The following THEMIS variants were observed in gnomAD, a reference collection of about 807,000 sequenced individuals.
THEMIS encodes the protein thymocyte selection associated.
In THEMIS, 37 loss-of-function variants were observed where a neutral mutation model predicts 52.6. That is an observed-to-expected ratio of 0.70 (90% confidence interval 0.54 to 0.93). The LOEUF is 0.93. Ranked by LOEUF, THEMIS falls within the 40% of genes least tolerant of loss-of-function variation. The pLI, the probability that THEMIS is intolerant of heterozygous loss-of-function variation, is 0.00. For synonymous variants in THEMIS, 292 were observed against 272.7 expected, an observed-to-expected ratio of 1.07 and a Z score of -0.70; for missense variants, 808 against 763.1, an observed-to-expected ratio of 1.06 and a Z score of -0.69.
chr6:127,841,749 T>C (rs1779055260), intron 2 of THEMIS, among the ~76,000 whole-genome samples: 1 of 152,014 alleles, frequency 6.6e-6, no homozygotes, highest in South Asian at 2.1e-4. Context: ...AAATAGATCT[T>C]AAAATTATTT....
intron 4 of THEMIS, among the ~76,000 whole-genome samples, chr6:127,751,512 A>G (rs1419481520): frequency 1.3e-5 from 2 of 151,734 alleles, no homozygotes; most frequent in Non-Finnish European, 3.0e-5. Context: ...AGTAACCAAA[A>G]GAATGTAGAA....
At chr6:127,764,817 G>A (rs1776139774) in intron 4 of THEMIS, among the ~76,000 whole-genome samples, 1 of 151,880 alleles carries the variant, frequency 6.6e-6, no homozygotes, top group Admixed American at 6.6e-5. Flanking sequence ...TAACATAAAT[G>A]TTGTTATATG....
rs546538392 is a variant in THEMIS, at chr6:127,833,974, T to C, written c.251-4040A>G. Among the ~76,000 whole-genome samples, 4 of 152,216 alleles carry C rather than the reference T, an allele frequency of 2.6e-5. No individual in the cohort carries two copies. In the East Asian group the frequency reaches 7.7e-4, roughly 29 times the overall value. On this transcript the variant is annotated intron_variant, in intron 2 of 5. Transcript: ENST00000368248. Reference sequence around the variant, plus strand: ...CAAAAAGTTCAAAATCCTCAAAGTATTGGAATATAAAATAATAATAGTCTG... The same window carrying C: ...CAAAAAGTTCAAAATCCTCAAAGTACTGGAATATAAAATAATAATAGTCTG...
At chr6:127,712,501 G>T (rs1774017850) in intron 5 of THEMIS, among the ~76,000 whole-genome samples, 1 of 152,002 alleles carries the variant, frequency 6.6e-6, no homozygotes, top group Middle Eastern at 3.4e-3. Context: ...TTGATTTAAA[G>T]TCTTTATCTT....
At chr6:127,887,338 C>G (rs1214686114) in intron 1 of THEMIS, among the ~76,000 whole-genome samples, 1 of 151,852 alleles carries the variant, frequency 6.6e-6, no homozygotes, top group African/African-American at 2.4e-5. Flanking sequence ...ATACCACTGG[C>G]TATAAAGGGA....
chr6:127,786,796 CTTTTT>C (rs902506527), intron 4 of THEMIS, among the ~76,000 whole-genome samples: 1 of 151,942 alleles, frequency 6.6e-6, no homozygotes, highest in African/African-American at 2.4e-5. Flanking sequence ...AAAAAGAAAT[CTTTTT>C]TTTAAGAAAA....
intron 2 of THEMIS, among the ~76,000 whole-genome samples, chr6:127,832,424 T>A (rs1165463130): frequency 6.6e-6 from 1 of 152,196 alleles, no homozygotes; most frequent in African/African-American, 2.4e-5. Context: ...ATCCAAATCA[T>A]TCCTTTTTAA....
intron 2 of THEMIS, among the ~76,000 whole-genome samples, chr6:127,847,319 A>G (rs1779252632): frequency 6.6e-6 from 1 of 152,028 alleles, no homozygotes; most frequent in Non-Finnish European, 1.5e-5. Flanking sequence ...AAGGGCATCC[A>G]AATTGGAAAA....
At chr6:127,824,678 TGAGA>T (rs1778445639) in intron 3 of THEMIS, among the ~76,000 whole-genome samples, 1 of 152,154 alleles carries the variant, frequency 6.6e-6, no homozygotes, top group Admixed American at 6.5e-5. Context: ...AAAATATTTT[TGAGA>T]GAGACGGGGT....
rs540265709 is a variant in THEMIS, at chr6:127,826,941, T to G, written c.709+2535A>C. 1.1e-4 allele frequency among the ~76,000 whole-genome samples: 17 copies of G among 151,176 alleles called. 1 individual carries two copies. Among genetic ancestry groups the G allele is most frequent in the Middle Eastern group, 3.4e-3 (1 of 292 alleles). On this transcript the variant is annotated intron_variant, in intron 3 of 5. Transcript: ENST00000368248. ...AAATACTTCATTTAAACATTTTTAT[T>G]TTTTTTTTGAAGCCCAAATATTCAC... is the stretch of plus-strand genomic sequence containing the variant.
In THEMIS at chr6:127,887,727, C is replaced by T. The variant is rs144609489; in HGVS notation, c.91+13115G>A. 3.0e-4 allele frequency among the ~76,000 whole-genome samples: 45 copies of T among 152,172 alleles called. 2 individuals carry two copies. The East Asian group carries it at 4.8e-3, about 16-fold the overall frequency. ...CCATAGAGATTAATGGCAAAGAACC[C>T]AGGCTAATTCTTTAAGATGATGAAA... On this transcript the variant is annotated intron_variant, in intron 1 of 5. Transcript: ENST00000368248.
In THEMIS at chr6:127,845,101, ACT is replaced by A. The variant is rs915104846; in HGVS notation, c.250+9927_250+9928del. Among the ~76,000 whole-genome samples, 106 of 151,342 alleles carry A rather than the reference ACT, an allele frequency of 7.0e-4. 1 individual carries two copies. Among genetic ancestry groups the A allele is most frequent in the African/African-American group, 2.5e-3 (103 of 41,354 alleles). ...TATCCCCTGAAAGTGTGCTTGTCAA[ACT>A]CTGCAAATCTTTACCCTCTTGACTT... On this transcript the variant is annotated intron_variant, in intron 2 of 5. Coordinates refer to ENST00000368248, the MANE Select transcript of THEMIS (RefSeq NM_001010923.3).
intron 4 of THEMIS, among the ~76,000 whole-genome samples, chr6:127,778,413 C>T (rs772452909): frequency 1.3e-5 from 2 of 152,076 alleles, no homozygotes; most frequent in Admixed American, 6.6e-5. Flanking sequence ...AATTAAAATA[C>T]ATTATCTGTA....
intron 3 of THEMIS, among the ~76,000 whole-genome samples, chr6:127,816,378 T>G (rs575835634): frequency 1.3e-5 from 2 of 152,326 alleles, no homozygotes; most frequent in Non-Finnish European, 2.9e-5. Context: ...AACATTTTCC[T>G]GAATGCAGTA....
At chr6:127,860,505 A>G (rs1779759776) in intron 1 of THEMIS, among the ~76,000 whole-genome samples, 1 of 152,134 alleles carries the variant, frequency 6.6e-6, no homozygotes, top group South Asian at 2.1e-4. Context: ...CTAAGAATAT[A>G]GGATTTTTCT....
chr6:127,882,202 T>C (rs1780507203), intron 1 of THEMIS, among the ~76,000 whole-genome samples: 1 of 151,808 alleles, frequency 6.6e-6, no homozygotes, highest in Non-Finnish European at 1.5e-5. Context: ...AATACAGCCA[T>C]TCTGTTTTTC....
chr6:127,858,058 G>A (rs1266341467), intron 1 of THEMIS, among the ~76,000 whole-genome samples: 1 of 152,050 alleles, frequency 6.6e-6, no homozygotes, highest in East Asian at 1.9e-4. Flanking sequence ...AATTGTAAAT[G>A]TAATGTATAT....
At chr6:127,896,058 A>T (rs1006983595) in intron 1 of THEMIS, among the ~76,000 whole-genome samples, 2 of 151,634 alleles carry the variant, frequency 1.3e-5, no homozygotes, top group Non-Finnish European at 3.0e-5. Context: ...TGTAAAAAAA[A>T]CTATGTAATT....
intron 4 of THEMIS, among the ~76,000 whole-genome samples, chr6:127,780,105 A>C (rs1776694935): frequency 6.6e-6 from 1 of 152,218 alleles, no homozygotes. Flanking sequence ...ATATATATTT[A>C]GGATAGTAGC....
Sources: gnomAD v4.1 joint callset for allele counts (sites outside exome capture counted in the v4.1 genomes callset) on GRCh38, gnomAD v4.1.1 for gene constraint, MANE v1.5 for transcripts, NCBI Gene and HGNC (gene_info 2026-07-23, HGNC 2026-07-21) for gene names.